FRMD5: variants seen among roughly 807,000 people sequenced by gnomAD.
The protein encoded by FRMD5 is FERM domain containing 5.
In FRMD5, 20 loss-of-function variants were observed where a neutral mutation model predicts 69.0. That is an observed-to-expected ratio of 0.29 (90% CI 0.20 to 0.42). The LOEUF (loss-of-function observed/expected upper bound fraction) is 0.42, where lower values mean the gene tolerates loss of function less well. Among genes scored for constraint, FRMD5 ranks in the 10% least tolerant of loss-of-function variants. FRMD5 has a pLI of 1.00. For synonymous variants in FRMD5, 271 were observed against 260.1 expected (o/e 1.04, Z -0.40); for missense variants, 595 against 708.6 (o/e 0.84, Z 1.82).
chr15:44,196,083 A>G (rs1419450921), upstream of FRMD5, among the ~76,000 whole-genome samples: 1 of 152,154 alleles, frequency 6.6e-6, no homozygotes, highest in African/African-American at 2.4e-5. Context: ...TGTCACCCCA[A>G]ATTTACAGAC....
intron 1 of FRMD5, among the ~76,000 whole-genome samples, chr15:44,032,718 T>C (rs2140288718): frequency 1.3e-5 from 2 of 152,080 alleles, no homozygotes; most frequent in Middle Eastern, 3.4e-3. Context: ...ACTTGTGAGG[T>C]TGTGGAGAAA....
chr15:43,875,804 G>GTTTTTTTTTTTTTTTTTTTTTT (rs34063043), intron 13 of FRMD5: 8 of 210,660 alleles, frequency 3.8e-5, no homozygotes, highest in African/African-American at 1.4e-4. Context: ...CCTGGGCCTA[G>GTTTTTTTTTTTTTTTTTTTTTT]TTTTTTTTTT....
intron 1 of FRMD5, among the ~76,000 whole-genome samples, chr15:44,160,613 T>C (rs895476195): frequency 5.9e-5 from 9 of 152,248 alleles, no homozygotes; most frequent in African/African-American, 2.2e-4. Context: ...AACATTCTTC[T>C]ATAACTTCAT....
chr15:43,988,271 T>C (rs746311229), intron 1 of FRMD5, among the ~76,000 whole-genome samples: 83 of 151,448 alleles, frequency 5.5e-4, no homozygotes, highest in Middle Eastern at 3.5e-3. Flanking sequence ...CAAAACCTAA[T>C]ACAGAGCAAG....
At chr15:43,884,381 G>A (rs974757939) in intron 12 of FRMD5, among the ~76,000 whole-genome samples, 2 of 152,208 alleles carry the variant, frequency 1.3e-5, no homozygotes, top group Non-Finnish European at 2.9e-5. Context: ...TGGCAGGGCT[G>A]TGGGACTATC....
chr15:43,875,827 T>TTC (rs59125307), intron 13 of FRMD5: 1 of 401,118 alleles, frequency 2.5e-6, no homozygotes, highest in Non-Finnish European at 4.6e-6. Context: ...TTTTTTTTTT[T>TTC]CTTTCAGTCT....
chr15:43,958,421 G>A (rs1296736746), intron 1 of FRMD5, among the ~76,000 whole-genome samples: 1 of 151,056 alleles, frequency 6.6e-6, no homozygotes, highest in African/African-American at 2.4e-5. Flanking sequence ...GTAAATTTTT[G>A]TTTTTTTGTT....
intron 4 of FRMD5, among the ~76,000 whole-genome samples, chr15:43,910,572 C>CAAAAAAAAAAA (rs1167867396): frequency 2.5e-5 from 1 of 40,366 alleles, no homozygotes; most frequent in African/African-American, 7.2e-5. Flanking sequence ...GACCTTGTCT[C>CAAAAAAAAAAA]AAAAAAAAAA....
chr15:44,125,750 T>C (rs2077016756), intron 1 of FRMD5, among the ~76,000 whole-genome samples: 3 of 152,240 alleles, frequency 2.0e-5, no homozygotes, highest in Admixed American at 1.3e-4. Context: ...ATCATTTTTA[T>C]GACCTCTTGT....
intron 10 of FRMD5, among the ~76,000 whole-genome samples, chr15:43,887,247 G>A (rs933434328): frequency 3.3e-5 from 5 of 152,168 alleles, no homozygotes; most frequent in African/African-American, 1.2e-4. Context: ...CTGCTGCGGA[G>A]ACCCGTGGGA....
chr15:44,102,332 T>C (rs1208651031), intron 1 of FRMD5, among the ~76,000 whole-genome samples: 2 of 152,174 alleles, frequency 1.3e-5, no homozygotes, highest in South Asian at 2.1e-4. Context: ...CAAGGAAAGA[T>C]TGAGTTCTGA....
intron 1 of FRMD5, among the ~76,000 whole-genome samples, chr15:43,944,026 T>C (rs2089904885): frequency 6.6e-6 from 1 of 152,244 alleles, no homozygotes; most frequent in Non-Finnish European, 1.5e-5. Flanking sequence ...GATTGGTCAT[T>C]TACTTATCTT....
chr15:43,876,498 T>G (rs1005969800), intron 13 of FRMD5, among the ~76,000 whole-genome samples: 3 of 152,080 alleles, frequency 2.0e-5, no homozygotes, highest in African/African-American at 7.2e-5. Context: ...CTGGGCAACA[T>G]AGACACTGTA....
intron 1 of FRMD5, among the ~76,000 whole-genome samples, chr15:44,032,596 A>G (rs940551939): frequency 1.3e-5 from 2 of 152,224 alleles, no homozygotes; most frequent in Non-Finnish European, 2.9e-5. Context: ...AAGCATATGG[A>G]AAAAAAGCTC....
intron 1 of FRMD5, among the ~76,000 whole-genome samples, chr15:43,932,978 C>T (rs959195193): frequency 6.6e-6 from 1 of 152,226 alleles, no homozygotes; most frequent in Non-Finnish European, 1.5e-5. Context: ...AAACAGAACT[C>T]TGAAGAAGAG....
intron 1 of FRMD5, among the ~76,000 whole-genome samples, chr15:43,984,496 A>G (rs1176395412): frequency 6.6e-6 from 1 of 152,178 alleles, no homozygotes; most frequent in Non-Finnish European, 1.5e-5. Flanking sequence ...CCAGGCCTCC[A>G]TAGCTCCTAC....
At chr15:44,116,779 T>G (rs1033695655) in intron 1 of FRMD5, among the ~76,000 whole-genome samples, 3 of 152,084 alleles carry the variant, frequency 2.0e-5, no homozygotes, top group Non-Finnish European at 2.9e-5. Flanking sequence ...CTTACAAAAT[T>G]TATTAAAGTG....
intron 1 of FRMD5, among the ~76,000 whole-genome samples, chr15:44,002,778 C>T (rs894147348): frequency 6.6e-5 from 10 of 152,166 alleles, no homozygotes; most frequent in African/African-American, 2.2e-4. Context: ...GGCTGTCTGC[C>T]TGTGGATTTC....
At chr15:43,875,362 A>ATT (rs1466465948) in intron 13 of FRMD5, among the ~76,000 whole-genome samples, 4 of 106,518 alleles carry the variant, frequency 3.8e-5, no homozygotes, top group East Asian at 3.1e-4. Context: ...AAAAAAAAAA[A>ATT]AATATATATA....
Sources: gnomAD v4.1 joint callset for allele counts (sites outside exome capture counted in the v4.1 genomes callset) on GRCh38, gnomAD v4.1.1 for gene constraint, MANE v1.5 for transcripts, NCBI Gene and HGNC (gene_info 2026-07-23, HGNC 2026-07-21) for gene names.